Variants in IP6K3 observed in about 807,000 individuals in gnomAD.
The protein encoded by IP6K3 is ATP:1D-myo-inositol-hexakisphosphate phosphotransferase.
In IP6K3, 20 loss-of-function variants were observed where a neutral mutation model predicts 28.8. That is an observed-to-expected ratio of 0.70 (90% confidence interval 0.49 to 1.01). IP6K3 has a LOEUF of 1.01. IP6K3 is among the 50% of genes least tolerant of loss of function. IP6K3 has a pLI of 0.00. For missense variants in IP6K3, 480 were observed against 537.1 expected (o/e 0.89, Z 1.05); for synonymous variants, 213 against 221.3 (o/e 0.96, Z 0.33).
the IP6K3 span, among the ~76,000 whole-genome samples, chr6:33,757,585 G>A: frequency 6.6e-6 from 1 of 152,114 alleles, no homozygotes; most frequent in East Asian, 1.9e-4. Flanking sequence ...ATCCATCCAT[G>A]CAGCACCTGC....
chr6:33,722,926 G>T lies in IP6K3; in HGVS notation c.1027C>A (p.Pro343Thr), dbSNP rs781109979. ...GCCTGGGGAGCCTCGTGAGGATGCGGGCTGCCTGGGGCTCTTTCTGGTGGT... is the reference window on the plus strand; with the variant it reads ...GCCTGGGGAGCCTCGTGAGGATGCGTGCTGCCTGGGGCTCTTTCTGGTGGT... ...QEPPERAPGS[P>T]HPHEAPQAAH... is the part of the protein sequence containing the mutation. The change falls in exon 6 of 6, where the codon CCG (proline) becomes ACG (threonine). Residue 343 changes from proline (P) to threonine (T), a missense_variant. Transcript: ENST00000293756. 8.1e-6 allele frequency: 13 copies of T among 1,613,956 alleles called. No individual in the cohort carries two copies. The highest frequency in any genetic ancestry group is 1.1e-5 in the Non-Finnish European group (13 of 1,180,026).
At chr6:33,757,197 TC>T in the IP6K3 span, among the ~76,000 whole-genome samples, 1 of 152,136 alleles carries the variant, frequency 6.6e-6, no homozygotes. Context: ...CCCTCCTCCC[TC>T]ACCTCCCCAC....
chr6:33,761,514 G>A, the IP6K3 span, among the ~76,000 whole-genome samples: 1 of 152,172 alleles, frequency 6.6e-6, no homozygotes, highest in African/African-American at 2.4e-5. Context: ...CGCTGGGGAT[G>A]CAGCTGCTCT....
chr6:33,735,722 G>T, intron 1 of IP6K3, 67 bp from the exon 2 acceptor site: 1 of 847,780 alleles, frequency 1.2e-6, no homozygotes, highest in Non-Finnish European at 1.7e-6. Flanking sequence ...GGCAGCGCTT[G>T]GAAGGGCCCA....
At chr6:33,725,089 C>T (rs561276497) in intron 5 of IP6K3, among the ~76,000 whole-genome samples, 14 of 152,006 alleles carry the variant, frequency 9.2e-5, no homozygotes, top group Admixed American at 3.9e-4. Context: ...ATTAGCCAGG[C>T]GTGGGGGTGG....
chr6:33,750,924 C>A (rs564714406), upstream of IP6K3, among the ~76,000 whole-genome samples: 8 of 152,196 alleles, frequency 5.3e-5, no homozygotes, highest in Admixed American at 2.0e-4. This position sits in a 1 kb window ranked among gnomAD's most constrained non-coding sequence, Gnocchi z 4.3. Flanking sequence ...CATGTCATCA[C>A]CCCTTCCCAC....
rs146268135 is a variant in IP6K3 at position 33,728,607 on chromosome 6, C to A, written c.200-307G>T. 5.9e-5 allele frequency among the ~76,000 whole-genome samples: 9 copies of A among 152,310 alleles called. No homozygotes were observed. In the East Asian group the frequency reaches 1.7e-3, roughly 29 times the overall value. On this transcript the variant is annotated intron_variant, in intron 2 of 5. Transcript: ENST00000293756. ...GTCAACTCCGCACATTTTGTCCTTG[C>A]GTTCCAGTTCCTCTGTGCGCAGTCA...
At position 33,722,430 on chromosome 6, in the gene IP6K3, G is replaced by T; in HGVS notation, c.*290C>A. 1 of 256,330 alleles carries T rather than the reference G, an allele frequency of 3.9e-6. No individual in the cohort carries two copies. Among genetic ancestry groups the T allele is most frequent in the Non-Finnish European group, 7.5e-6 (1 of 133,870 alleles). The allele number at this position is 256,330 out of a possible 1,614,324, so 15.9% of individuals were successfully genotyped here. A position where few individuals can be genotyped will look rare whatever the true frequency, so the allele number is the denominator to read the frequency against. On this transcript the variant is annotated 3_prime_UTR_variant, in exon 6 of 6. Transcript: ENST00000293756. ...ATATTCCAGAATGTCAGCAATGCTGGCCTCTAACTTGGGCTGCCCCCTCCA... is the reference window on the plus strand; with the variant it reads ...ATATTCCAGAATGTCAGCAATGCTGTCCTCTAACTTGGGCTGCCCCCTCCA...
intron 2 of IP6K3, among the ~76,000 whole-genome samples, chr6:33,733,235 G>A (rs1165231676): frequency 6.6e-6 from 1 of 152,264 alleles, no homozygotes; most frequent in Non-Finnish European, 1.5e-5. Context: ...GATACAATTA[G>A]CTCTGACGCC....
In IP6K3 at chr6:33,721,735, A is replaced by G. The variant is rs1165022157; in HGVS notation, c.*985T>C. On this transcript the variant is annotated 3_prime_UTR_variant, in exon 6 of 6. Coordinates refer to ENST00000293756, the MANE Select transcript of IP6K3 (RefSeq NM_054111.5). ...GGTAACGTATCTCAGTGCTTGACTC[A>G]AGGGCATCGTAATAGGTTTCCATAC... 6.6e-6 allele frequency: 1 copy of G among 152,646 alleles called. No individual in the cohort carries two copies. The highest frequency in any genetic ancestry group is 1.5e-5 in the Non-Finnish European group (1 of 68,030). The allele number at this position is 152,646 out of a possible 1,614,324, so 9.5% of individuals were successfully genotyped here. A position where few individuals can be genotyped will look rare whatever the true frequency, so the allele number is the denominator to read the frequency against.
chr6:33,738,824 T>A (rs1422970728), intron 1 of IP6K3, among the ~76,000 whole-genome samples: 1 of 152,192 alleles, frequency 6.6e-6, no homozygotes, highest in East Asian at 1.9e-4. Flanking sequence ...CTGGGGCAGG[T>A]TTTCCTGTCT....
At chr6:33,735,695 G>T in intron 1 of IP6K3, 40 bp from the exon 2 acceptor site, 1 of 1,204,514 alleles carries the variant, frequency 8.3e-7, no homozygotes, top group Non-Finnish European at 1.1e-6. Flanking sequence ...ATATGAGGGA[G>T]GTGGTGGCTG....
chr6:33,734,904 G>A (rs1028090980), intron 2 of IP6K3, among the ~76,000 whole-genome samples: 3 of 152,208 alleles, frequency 2.0e-5, no homozygotes, highest in African/African-American at 7.2e-5. Flanking sequence ...TCAGAGGGAG[G>A]TTAAGGAGGC....
chr6:33,760,294 C>G, the IP6K3 span, among the ~76,000 whole-genome samples: 1 of 152,224 alleles, frequency 6.6e-6, no homozygotes, highest in African/African-American at 2.4e-5. Context: ...CATGGGTCAT[C>G]CAGGCTCAGG....
rs947642885 is a variant in IP6K3, at chr6:33,734,809, G to A, written c.199+469C>T. Among the ~76,000 whole-genome samples the A allele has an allele frequency of 3.3e-5, 5 of 152,228 alleles. No individual in the cohort carries two copies. In the South Asian group the frequency reaches 6.2e-4, roughly 19 times the overall value. ...GCTTTGCCTCTTCCTGGGTGAGGGC[G>A]GGAGTTCTGGCTTCCCAAGCAAGCC... is the stretch of plus-strand genomic sequence containing the variant. On this transcript the variant is annotated intron_variant, in intron 2 of 5. Coordinates refer to ENST00000293756, the MANE Select transcript of IP6K3 (RefSeq NM_054111.5).
At chr6:33,739,733 C>T (rs946576333) in intron 1 of IP6K3, among the ~76,000 whole-genome samples, 3 of 152,234 alleles carry the variant, frequency 2.0e-5, no homozygotes, top group Non-Finnish European at 2.9e-5. Flanking sequence ...GCACTTCTGC[C>T]GTTGGCATGG....
rs894276148 is a variant in IP6K3 at position 33,746,601 on chromosome 6, C to T, written c.-180+157G>A. 2.0e-5 allele frequency: 3 copies of T among 152,324 alleles called. No individual in the cohort carries two copies. Among genetic ancestry groups the T allele is most frequent in the Non-Finnish European group, 2.9e-5 (2 of 68,146 alleles). 9.4% of individuals were successfully genotyped at this position (152,324 alleles called of 1,614,324 possible). A position where few individuals can be genotyped will look rare whatever the true frequency, so the allele number is the denominator to read the frequency against. On this transcript the variant is annotated intron_variant, in intron 1 of 5. Coordinates refer to ENST00000293756, the MANE Select transcript of IP6K3 (RefSeq NM_054111.5). The surrounding 1 kb of genome is among the most constrained non-coding windows in gnomAD (Gnocchi z 6.5). The stretch of plus-strand genomic sequence containing the variant: ...AGATGGACAGACCTCCACGAAGACG[C>T]TGGCACCTCCGTGGGGCAGACTCCT...
chr6:33,754,879 T>C, the IP6K3 span, among the ~76,000 whole-genome samples: 1 of 152,206 alleles, frequency 6.6e-6, no homozygotes, highest in Non-Finnish European at 1.5e-5. Flanking sequence ...ACCATGAATA[T>C]GTATCAACTC....
At chr6:33,738,476 T>C (rs1196458223) in intron 1 of IP6K3, among the ~76,000 whole-genome samples, 2 of 152,248 alleles carry the variant, frequency 1.3e-5, no homozygotes, top group African/African-American at 4.8e-5. Flanking sequence ...AATGGTTACA[T>C]GCATACAGCG....
Sources: allele counts gnomAD v4.1 joint callset (sites outside exome capture counted in the v4.1 genomes callset), GRCh38; gene constraint gnomAD v4.1.1; non-coding constraint Gnocchi (gnomAD v3.1); transcripts MANE v1.5; gene names NCBI Gene and HGNC (gene_info 2026-07-23, HGNC 2026-07-21).